Variants in RAB10 observed in about 807,000 individuals in gnomAD.
RAB10 encodes RAB10, member RAS oncogene family.
RAB10 carries 5 observed loss-of-function variants against 25.7 expected under a neutral mutation model. The observed-to-expected ratio is 0.19, with a 90% confidence interval of 0.10 to 0.41. The LOEUF (loss-of-function observed/expected upper bound fraction) is 0.41, where lower values mean the gene tolerates loss of function less well. RAB10 is among the 10% of genes least tolerant of loss of function. RAB10 has a pLI of 1.00. For missense variants in RAB10, 103 were observed against 245.8 expected (o/e 0.42, Z 3.89); for synonymous variants, 89 against 86.4 (o/e 1.03, Z -0.16).
At chr2:26,059,626 A>G (rs1666354859) in intron 1 of RAB10, among the ~76,000 whole-genome samples, 1 of 152,204 alleles carries the variant, frequency 6.6e-6, no homozygotes, top group Non-Finnish European at 1.5e-5. Context: ...TCCCACTTCC[A>G]AGTATATATC....
intron 2 of RAB10, among the ~76,000 whole-genome samples, chr2:26,099,598 T>C (rs1208228992): frequency 1.5e-5 from 2 of 136,038 alleles, no homozygotes; most frequent in African/African-American, 5.6e-5. Flanking sequence ...TGGAGAGCAG[T>C]GGCGCTATTT....
intron 3 of RAB10, among the ~76,000 whole-genome samples, chr2:26,116,265 A>T (rs1384826167): frequency 6.6e-6 from 1 of 151,968 alleles, no homozygotes; most frequent in Non-Finnish European, 1.5e-5. Flanking sequence ...TAATTCTCCC[A>T]TCTCAGCCTT....
intron 2 of RAB10, among the ~76,000 whole-genome samples, chr2:26,104,255 G>A (rs1449844371): frequency 2.0e-5 from 3 of 152,070 alleles, no homozygotes; most frequent in African/African-American, 7.2e-5. Flanking sequence ...TTGTCGTTTG[G>A]GTCATAGCCA....
intron 3 of RAB10, among the ~76,000 whole-genome samples, chr2:26,113,468 G>A (rs1191131052): frequency 6.6e-6 from 1 of 151,964 alleles, no homozygotes; most frequent in Non-Finnish European, 1.5e-5. Flanking sequence ...CAGCTACTCG[G>A]GAGGCTGAGG....
At chr2:26,073,333 T>C (rs1666667311) in intron 1 of RAB10, among the ~76,000 whole-genome samples, 1 of 152,238 alleles carries the variant, frequency 6.6e-6, no homozygotes, top group Non-Finnish European at 1.5e-5. Flanking sequence ...CCTGTACTTG[T>C]TGCTGAGCTG....
chr2:26,044,626 A>C (rs181269296), intron 1 of RAB10, among the ~76,000 whole-genome samples: 96 of 151,730 alleles, frequency 6.3e-4, no homozygotes, highest in African/African-American at 2.3e-3. Context: ...GCACACTGCA[A>C]CCTCCACCTC....
chr2:26,051,614 C>T (rs1414369675), intron 1 of RAB10, among the ~76,000 whole-genome samples: 7 of 149,432 alleles, frequency 4.7e-5, no homozygotes, highest in South Asian at 4.2e-4. Flanking sequence ...AAAAGCCGGA[C>T]GTGGTGGTGA....
chr2:26,115,287 G>A (rs1667660431), intron 3 of RAB10, among the ~76,000 whole-genome samples: 1 of 149,378 alleles, frequency 6.7e-6, no homozygotes, highest in Non-Finnish European at 1.5e-5. Context: ...GTGTACACAA[G>A]TATTTATAGC....
At chr2:26,056,847 C>G (rs1176270985) in intron 1 of RAB10, among the ~76,000 whole-genome samples, 1 of 151,948 alleles carries the variant, frequency 6.6e-6, no homozygotes, top group Admixed American at 6.6e-5. Context: ...AAGTTGGTCT[C>G]GAACTCCTGG....
At chr2:26,083,466 T>G (rs1379121359) in intron 1 of RAB10, among the ~76,000 whole-genome samples, 1 of 125,896 alleles carries the variant, frequency 7.9e-6, no homozygotes, top group East Asian at 2.8e-4. Context: ...TCCTTTCTCC[T>G]TTCCTTCCCT....
chr2:26,050,102 C>G (rs940300301), intron 1 of RAB10, among the ~76,000 whole-genome samples: 3 of 152,098 alleles, frequency 2.0e-5, no homozygotes, highest in African/African-American at 4.8e-5. Flanking sequence ...TTTGCAATAC[C>G]TTTCTTTGTT....
intron 1 of RAB10, among the ~76,000 whole-genome samples, chr2:26,070,811 C>A (rs1392272973): frequency 1.3e-5 from 2 of 152,092 alleles, no homozygotes; most frequent in Non-Finnish European, 2.9e-5. Flanking sequence ...TAAATTCTCA[C>A]CAAATGTAAT....
chr2:26,097,141 G>A (rs772280332), intron 1 of RAB10, among the ~76,000 whole-genome samples: 17 of 152,120 alleles, frequency 1.1e-4, no homozygotes, highest in Non-Finnish European at 1.6e-4. Flanking sequence ...CACTTAAGCC[G>A]GGAAGTGGAG....
intron 3 of RAB10, among the ~76,000 whole-genome samples, chr2:26,116,548 GTTTTTTTTT>G (rs70950170): frequency 4.8e-5 from 3 of 62,636 alleles, no homozygotes; most frequent in African/African-American, 1.8e-4. Flanking sequence ...TCTGTCTTGT[GTTTTTTTTT>G]TTTTTTTTTT....
At chr2:26,110,228 CTCAAG>C (rs1245597070) in intron 3 of RAB10, among the ~76,000 whole-genome samples, 1 of 150,370 alleles carries the variant, frequency 6.7e-6, no homozygotes, top group East Asian at 2.0e-4. Flanking sequence ...GTCCCAGCTA[CTCAAG>C]AGTCCAAGGC....
intron 1 of RAB10, among the ~76,000 whole-genome samples, chr2:26,039,453 C>T (rs1475774510): frequency 2.6e-5 from 4 of 151,910 alleles, no homozygotes; most frequent in African/African-American, 9.7e-5. Context: ...TCAAGCAATT[C>T]TCCCTGCCTC....
At chr2:26,117,634 AAC>A in intron 3 of RAB10, among the ~76,000 whole-genome samples, 1 of 145,584 alleles carries the variant, frequency 6.9e-6, no homozygotes, top group East Asian at 2.1e-4. Context: ...AAAAAAAAAA[AAC>A]AAAAAAAACA....
intron 1 of RAB10, among the ~76,000 whole-genome samples, chr2:26,093,409 A>T (rs530724920): frequency 1.2e-4 from 19 of 152,094 alleles, no homozygotes; most frequent in Non-Finnish European, 2.2e-4. Flanking sequence ...GATCAAACCA[A>T]TATTCTTTAG....
At position 26,034,533 on chromosome 2, in the gene RAB10, A is replaced by G. The variant is rs1043387; in HGVS notation, c.-76A>G. 4 of 1,590,262 alleles carry G rather than the reference A, an allele frequency of 2.5e-6. No individual in the cohort carries two copies. Among genetic ancestry groups the G allele is most frequent in the Non-Finnish European group, 3.4e-6 (4 of 1,166,628 alleles). On this transcript the variant is annotated 5_prime_UTR_variant, in exon 1 of 6. Coordinates refer to ENST00000264710, the MANE Select transcript of RAB10 (RefSeq NM_016131.5). ...CGGTCCTCCGGCCTGAGAACGCCCG[A>G]GTGAGGAGTTGGCCGTAGTGAGAGG...
Sources: gnomAD v4.1 joint callset for allele counts (sites outside exome capture counted in the v4.1 genomes callset) on GRCh38, gnomAD v4.1.1 for gene constraint, MANE v1.5 for transcripts, NCBI Gene and HGNC (gene_info 2026-07-23, HGNC 2026-07-21) for gene names.